The following PPP1R3A variants were observed in gnomAD, a reference collection of about 807,000 sequenced individuals.
PPP1R3A encodes protein phosphatase 1 regulatory subunit 3A.
A neutral mutation model predicts 41.7 loss-of-function variants in PPP1R3A; 29 were observed. The ratio of observed to expected loss-of-function variants is 0.70; its 90% CI spans 0.52 to 0.95. The LOEUF (loss-of-function observed/expected upper bound fraction) is 0.95. PPP1R3A is among the 40% of genes least tolerant of loss of function. The pLI is 0.00. For missense variants in PPP1R3A, 1,352 were observed against 1,292.4 expected, an observed-to-expected ratio of 1.05 and a Z score of -0.71; for synonymous variants, 485 against 453.4, an observed-to-expected ratio of 1.07 and a Z score of -0.89.
intron 1 of PPP1R3A, among the ~76,000 whole-genome samples, chr7:113,910,925 C>T (rs1235108300): frequency 6.6e-6 from 1 of 152,046 alleles, no homozygotes. Flanking sequence ...GTACTTGAAT[C>T]CTTTTTACTA....
chr7:113,908,720 T>C (rs1242007648), intron 1 of PPP1R3A, among the ~76,000 whole-genome samples: 1 of 151,890 alleles, frequency 6.6e-6, no homozygotes, highest in African/African-American at 2.4e-5. Context: ...CTATTCACAA[T>C]AGCAAAGTCA....
At chr7:113,909,272 G>A (rs1375759305) in intron 1 of PPP1R3A, among the ~76,000 whole-genome samples, 1 of 151,916 alleles carries the variant, frequency 6.6e-6, no homozygotes, top group Non-Finnish European at 1.5e-5. Flanking sequence ...ATTCTTAATT[G>A]CTCATTATTT....
chr7:113,917,560 T>C (rs1294727261), intron 1 of PPP1R3A, among the ~76,000 whole-genome samples: 4 of 152,106 alleles, frequency 2.6e-5, no homozygotes, highest in Admixed American at 1.3e-4. Flanking sequence ...CATTGACTTT[T>C]ACTAAATTAT....
At chr7:113,915,526 TATATATATATGTATGTATATGTATATAC>T (rs1797323462) in intron 1 of PPP1R3A, among the ~76,000 whole-genome samples, 1 of 145,518 alleles carries the variant, frequency 6.9e-6, no homozygotes, top group Non-Finnish European at 1.5e-5. Flanking sequence ...GAAAAAATCA[TATATATATATGTATGTATATGTATATAC>T]ATATATACAT....
intron 1 of PPP1R3A, among the ~76,000 whole-genome samples, chr7:113,898,295 T>C (rs1300284078): frequency 2.0e-5 from 3 of 151,746 alleles, no homozygotes; most frequent in African/African-American, 4.8e-5. Context: ...TGGAGTTCTA[T>C]AGAAGAAAAT....
intron 1 of PPP1R3A, among the ~76,000 whole-genome samples, chr7:113,917,899 TA>T (rs1270976200): frequency 6.6e-6 from 1 of 152,028 alleles, no homozygotes; most frequent in African/African-American, 2.4e-5. Context: ...TCAAAGTAAA[TA>T]ATTTTATATG....
Position 113,880,089 on chromosome 7 carries a change from A to G in PPP1R3A, c.1003T>C (p.Ser335Pro). 6.2e-7 allele frequency: 1 copy of G among 1,606,306 alleles called. No individual in the cohort carries two copies. Among genetic ancestry groups the G allele is most frequent in the Non-Finnish European group, 8.5e-7 (1 of 1,173,448 alleles). ...QHLIRTRSTASRDERNTFSTD... is the reference protein window; with the variant it reads ...QHLIRTRSTAPRDERNTFSTD... Reference sequence around the variant, plus strand: ...GAAAATGTATTCCTTTCATCTCTGGAAGCAGTACTTCTGGTTCTTATTAAG... The same window carrying G: ...GAAAATGTATTCCTTTCATCTCTGGGAGCAGTACTTCTGGTTCTTATTAAG... Residue 335 changes from serine to proline, a missense_variant, in exon 4 of 4, where the codon TCC becomes CCC. Ser to Pro is a moderately conservative substitution (Grantham distance 74, BLOSUM62 -1). Coordinates refer to ENST00000284601, the MANE Select transcript of PPP1R3A (RefSeq NM_002711.4).
chr7:113,880,914 G>A (rs544608043), intron 3 of PPP1R3A, among the ~76,000 whole-genome samples: 52 of 151,360 alleles, frequency 3.4e-4, no homozygotes, highest in South Asian at 2.3e-3. Context: ...ATGCATTAAC[G>A]TCAGCATGGA....
chr7:113,897,653 C>A (rs914581207), intron 1 of PPP1R3A, among the ~76,000 whole-genome samples: 13 of 151,628 alleles, frequency 8.6e-5, no homozygotes, highest in Admixed American at 7.9e-4. Context: ...GAGCCACCCA[C>A]TGGAGGGGAT....
rs1796600238 is a variant in PPP1R3A, at chr7:113,877,965, C to A, written c.3127G>T (p.Glu1043Ter). 6.2e-7 allele frequency: 1 copy of A among 1,613,262 alleles called. No individual in the cohort carries two copies. Residue 1043 changes from glutamate (E) to a stop codon, truncating the protein, a stop_gained, in exon 4 of 4, where the codon GAA becomes TAA. Transcript: ENST00000284601. LOFTEE classifies it high-confidence loss of function. ...GAAGCAGAGCTGTCAGATTCCTTTT[C>A]ACCTGAAGTGTATAGTGATTGCCCA... ...SSGQSLYTSGEKESDSSASTS... is the reference protein window; with the variant it reads ...SSGQSLYTSG
At chr7:113,898,998 C>T (rs1056414538) in intron 1 of PPP1R3A, among the ~76,000 whole-genome samples, 2 of 151,810 alleles carry the variant, frequency 1.3e-5, no homozygotes, top group African/African-American at 4.8e-5. Flanking sequence ...ATTTCCCAGT[C>T]TATGGAAGGA....
In PPP1R3A at chr7:113,918,597, C is replaced by T. The variant is rs1304296462; in HGVS notation, c.400G>A (p.Glu134Lys). The T allele has an allele frequency of 1.2e-6, 2 of 1,613,490 alleles. No homozygotes were observed. Among genetic ancestry groups the T allele is most frequent in the African/African-American group, 1.3e-5 (1 of 74,900 alleles). ...QIQKAILEST[E>K]SLLGSTSIKG... The stretch of plus-strand genomic sequence containing the variant: ...ATACTTGTAGACCCAAGAAGAGACT[C>T]AGTTGACTCCAGTATTGCTTTCTGT... The change falls in exon 1 of 4, where the codon GAG (glutamate) becomes AAG (lysine). Residue 134 changes from glutamate to lysine, a missense_variant. Physicochemically the swap from Glu to Lys is moderately conservative, Grantham distance 56. Coordinates refer to ENST00000284601, the MANE Select transcript of PPP1R3A (RefSeq NM_002711.4).
At chr7:113,888,694 C>T in intron 1 of PPP1R3A, among the ~76,000 whole-genome samples, 1 of 152,246 alleles carries the variant, frequency 6.6e-6, no homozygotes, top group African/African-American at 2.4e-5. Flanking sequence ...TAACCTCTGG[C>T]ACACATGTCT....
At position 113,878,889 on chromosome 7, in the gene PPP1R3A, T is replaced by C. The variant is rs1796625924; in HGVS notation, c.2203A>G (p.Thr735Ala). ...CTTTCTGGAGTACTTTCTGATGTTG[T>C]CTTAATTATATAGGCTGTACCAGCT... is the stretch of plus-strand genomic sequence containing the variant. ...AEAGTAYIIKTTSESTPESMS... is the reference protein window; with the variant it reads ...AEAGTAYIIKATSESTPESMS... Residue 735 changes from threonine (T) to alanine (A), a missense_variant, in exon 4 of 4, where the codon ACA becomes GCA. Transcript: ENST00000284601. The C allele has an allele frequency of 6.2e-7, 1 of 1,613,018 alleles. No homozygotes were observed. The highest frequency in any genetic ancestry group is 1.3e-5 in the African/African-American group (1 of 74,990).
rs148408134 is a variant in PPP1R3A, at chr7:113,878,207, C to T, written c.2885G>A (p.Gly962Asp). The change falls in exon 4 of 4, where the codon GGT (glycine) becomes GAT (aspartate). Residue 962 changes from glycine (G) to aspartate (D), a missense_variant. By Grantham distance (94) the Gly-to-Asp change is moderately conservative. Transcript: ENST00000284601. ...NICNSTREIQ[G>D]IEKHPYPESK... ...CTCAGGATAAGGGTGCTTCTCAATA[C>T]CCTGGATTTCTCTTGTTGAATTACA... The T allele has an allele frequency of 3.8e-4, 609 of 1,613,268 alleles. 1 individual carries two copies. Among genetic ancestry groups the T allele is most frequent in the African/African-American group, 2.4e-3 (177 of 74,960 alleles).
Position 113,877,904 on chromosome 7 carries a change from C to T in PPP1R3A, c.3188G>A (p.Gly1063Asp). 1 of 1,613,032 alleles carries T rather than the reference C, an allele frequency of 6.2e-7. No individual in the cohort carries two copies. The highest frequency in any genetic ancestry group is 1.1e-5 in the South Asian group (1 of 91,050). The change falls in exon 4 of 4, where the codon GGC becomes GAC. Residue 1063 changes from glycine (G) to aspartate (D), a missense_variant. Coordinates refer to ENST00000284601, the MANE Select transcript of PPP1R3A (RefSeq NM_002711.4). Reference protein sequence around the residue: ...SLPVEESQAQGNESLFSKYTN... With the variant: ...SLPVEESQAQDNESLFSKYTN... ...ATATTTTGAAAACAAAGATTCGTTG[C>T]CTTGAGCTTGACTTTCCTCAACAGG...
Position 113,918,338 on chromosome 7 carries a change from G to T in PPP1R3A, c.659C>A (p.Ser220Ter). The T allele has an allele frequency of 1.9e-6, 3 of 1,612,898 alleles. No individual in the cohort carries two copies. The South Asian group carries it at 3.3e-5, about 18-fold the overall frequency. Reference sequence around the variant, plus strand: ...TGTATAATTTGTGCCATTATTATTTGACCAAAATGTACCAACAGAAGTTTC... The same window carrying T: ...TGTATAATTTGTGCCATTATTATTTTACCAAAATGTACCAACAGAAGTTTC... ...RYETSVGTFW[S>*]NNNGTNYTFI... The change falls in exon 1 of 4, where the codon TCA becomes TAA. Residue 220 changes from serine (S) to a stop codon, truncating the protein, a stop_gained. Coordinates refer to ENST00000284601, the MANE Select transcript of PPP1R3A (RefSeq NM_002711.4). LOFTEE classifies it high-confidence loss of function.
chr7:113,902,636 C>T (rs1797085159), intron 1 of PPP1R3A, among the ~76,000 whole-genome samples: 1 of 151,822 alleles, frequency 6.6e-6, no homozygotes, highest in South Asian at 2.1e-4. Flanking sequence ...GTGGTTCCTT[C>T]AGCATAGAAC....
In PPP1R3A at chr7:113,878,396, T is replaced by G. The variant is rs757254300; in HGVS notation, c.2696A>C (p.His899Pro). The change falls in exon 4 of 4, where the codon CAT (histidine) becomes CCT (proline). Residue 899 changes from histidine to proline, a missense_variant. Physicochemically the swap from His to Pro is moderately conservative, Grantham distance 77. Transcript: ENST00000284601. Reference sequence around the variant, plus strand: ...ATTAGTGTCTGAGTTAAAAGCAGAATGCACAATGGCATCCGAGTCTGTTTT... The same window carrying G: ...ATTAGTGTCTGAGTTAAAAGCAGAAGGCACAATGGCATCCGAGTCTGTTTT... ...SKKTDSDAIV[H>P]SAFNSDTNRA... The G allele has an allele frequency of 1.2e-6, 2 of 1,611,792 alleles. No homozygotes were observed. The highest frequency in any genetic ancestry group is 3.3e-5 in the Admixed American group (2 of 59,832).
Sources: allele counts gnomAD v4.1 joint callset (sites outside exome capture counted in the v4.1 genomes callset), GRCh38; gene constraint gnomAD v4.1.1; transcripts MANE v1.5; gene names NCBI Gene and HGNC (gene_info 2026-07-23, HGNC 2026-07-21).